The following CPNE4 variants were observed in gnomAD, a reference collection of about 807,000 sequenced individuals.
The protein encoded by CPNE4 is copine 4.
Under a neutral mutation model 67.9 loss-of-function variants are expected in CPNE4, and 25 were observed. The ratio of observed to expected loss-of-function variants is 0.37; its 90% CI spans 0.27 to 0.51. The LOEUF is 0.51. Ranked by LOEUF, CPNE4 falls within the 20% of genes least tolerant of loss-of-function variation. The pLI, the probability that CPNE4 is intolerant of heterozygous loss-of-function variation, is 0.93. For missense variants in CPNE4, 464 were observed against 690.8 expected (o/e 0.67, Z 3.68); for synonymous variants, 242 against 244.9 (o/e 0.99, Z 0.11).
At chr3:131,586,350 G>A (rs1462923059) in intron 8 of CPNE4, among the ~76,000 whole-genome samples, 4 of 152,130 alleles carry the variant, frequency 2.6e-5, no homozygotes, top group African/African-American at 9.7e-5. Context: ...AGCATGAATA[G>A]AGGAGTGAGA....
chr3:131,859,560 A>G (rs926375709), intron 2 of CPNE4, among the ~76,000 whole-genome samples: 5 of 151,960 alleles, frequency 3.3e-5, no homozygotes, highest in African/African-American at 1.2e-4. Flanking sequence ...ATATTCCAAC[A>G]CCCAGGCCAC....
intron 2 of CPNE4, among the ~76,000 whole-genome samples, chr3:131,897,571 ATT>A (rs768449055): frequency 6.6e-6 from 1 of 151,712 alleles, no homozygotes; most frequent in Non-Finnish European, 1.5e-5. Context: ...ACTATATACA[ATT>A]TTTTTTGTCT....
chr3:131,894,394 C>T (rs915525677), intron 2 of CPNE4, among the ~76,000 whole-genome samples: 14 of 151,922 alleles, frequency 9.2e-5, no homozygotes, highest in African/African-American at 3.4e-4. Flanking sequence ...AACTAAAAAG[C>T]TTTTGCACAG....
intron 3 of CPNE4, among the ~76,000 whole-genome samples, chr3:131,717,093 C>T (rs1487423696): frequency 3.9e-5 from 6 of 152,136 alleles, no homozygotes; most frequent in Non-Finnish European, 7.4e-5. Context: ...AGCAATTTAG[C>T]GAAAAGAGCA....
intron 1 of CPNE4, among the ~76,000 whole-genome samples, chr3:131,916,623 T>C (rs879860421): frequency 4.6e-5 from 7 of 152,142 alleles, no homozygotes; most frequent in Non-Finnish European, 7.4e-5. Flanking sequence ...AAATACCTTT[T>C]CAGGATAAAG....
intron 7 of CPNE4, among the ~76,000 whole-genome samples, chr3:131,640,500 C>G (rs1373595500): frequency 1.3e-5 from 2 of 152,088 alleles, no homozygotes; most frequent in Non-Finnish European, 2.9e-5. Context: ...CAAAACACTG[C>G]TGAAATAAAC....
At chr3:131,890,326 A>G (rs2088061361) in intron 2 of CPNE4, among the ~76,000 whole-genome samples, 2 of 152,042 alleles carry the variant, frequency 1.3e-5, no homozygotes, top group African/African-American at 4.8e-5. Flanking sequence ...GCCAACAGGT[A>G]TATAAAAACG....
intron 13 of CPNE4, among the ~76,000 whole-genome samples, chr3:131,551,766 CA>C (rs1936186482): frequency 2.0e-5 from 3 of 152,010 alleles, no homozygotes; most frequent in African/African-American, 7.2e-5. Context: ...TTATGATCTT[CA>C]TAGCAACATA....
intron 3 of CPNE4, among the ~76,000 whole-genome samples, chr3:131,706,290 C>T (rs760203473): frequency 1.3e-5 from 2 of 152,130 alleles, no homozygotes; most frequent in Non-Finnish European, 1.5e-5. Flanking sequence ...AGACCACAGG[C>T]TCAAAAATAA....
chr3:131,637,122 A>G (rs2107788402), intron 7 of CPNE4, among the ~76,000 whole-genome samples: 1 of 152,330 alleles, frequency 6.6e-6, no homozygotes, highest in South Asian at 2.1e-4. Flanking sequence ...GTAATATGAC[A>G]AAACAAGGTT....
chr3:132,035,877 C>T (rs1569283), upstream of CPNE4, among the ~76,000 whole-genome samples: 37,185 of 151,966 alleles, frequency 0.24, 4,784 homozygotes, highest in East Asian at 0.39. Flanking sequence ...TTACATCTAA[C>T]GTGGAGGGGA....
intron 7 of CPNE4, among the ~76,000 whole-genome samples, chr3:131,646,958 C>T (rs73871336): frequency 0.16 from 24,625 of 152,080 alleles, 3,445 homozygotes; most frequent in African/African-American, 0.38. Flanking sequence ...TACCATTCTG[C>T]CATCTGAATC....
At chr3:131,793,708 A>G (rs1214698345) in intron 2 of CPNE4, among the ~76,000 whole-genome samples, 1 of 152,198 alleles carries the variant, frequency 6.6e-6, no homozygotes, top group Non-Finnish European at 1.5e-5. Flanking sequence ...TAATACTCAG[A>G]TTGGCACATT....
intron 9 of CPNE4, among the ~76,000 whole-genome samples, chr3:131,581,334 C>T (rs1195397389): frequency 2.0e-5 from 3 of 152,182 alleles, no homozygotes; most frequent in Admixed American, 1.3e-4. Flanking sequence ...AACCTATCAG[C>T]GGAACTCTCC....
intron 2 of CPNE4, among the ~76,000 whole-genome samples, chr3:131,811,909 A>G (rs991850698): frequency 5.3e-5 from 8 of 152,124 alleles, no homozygotes; most frequent in Non-Finnish European, 1.5e-5. Flanking sequence ...CATCTTGCTC[A>G]AGGTCACACA....
rs894322388 is a variant in CPNE4 at position 131,910,841 on chromosome 3, G to A, written c.-1-5397C>T. Among the ~76,000 whole-genome samples the A allele has an allele frequency of 3.9e-5, 6 of 152,240 alleles. No individual in the cohort carries two copies. The East Asian group carries it at 5.8e-4, about 15-fold the overall frequency. ...CAGTGGCTGGTCTCTAGGAACCTCC[G>A]TATGAATTCCTTTAACTTTGACCAC... On this transcript the variant is annotated intron_variant, in intron 1 of 15. Transcript: ENST00000429747.
At chr3:131,922,856 C>T (rs979855366) in intron 1 of CPNE4, among the ~76,000 whole-genome samples, 3 of 152,134 alleles carry the variant, frequency 2.0e-5, no homozygotes, top group Non-Finnish European at 2.9e-5. Context: ...TTCTATGTCT[C>T]CTGTCCTGTG....
rs1290085646 is a variant in CPNE4 at position 131,533,755 on chromosome 3, C to T, written c.*1440G>A. 3 of 152,120 alleles carry T rather than the reference C, an allele frequency of 2.0e-5. No individual in the cohort carries two copies. Among genetic ancestry groups the T allele is most frequent in the Non-Finnish European group, 4.4e-5 (3 of 68,030 alleles). The allele number at this position is 152,120 out of a possible 1,614,324, so 9.4% of individuals were successfully genotyped here. ...TTTTATTTGCTTGTTAATACTGCTCCCCTCTTCAAACAAACAACAAATTTT... is the reference window on the plus strand; with the variant it reads ...TTTTATTTGCTTGTTAATACTGCTCTCCTCTTCAAACAAACAACAAATTTT... On this transcript the variant is annotated 3_prime_UTR_variant, in exon 16 of 16. Transcript: ENST00000429747.
rs562490272 is a variant in CPNE4 at position 131,667,291 on chromosome 3, C to T, written c.681+2384G>A. Among the ~76,000 whole-genome samples, 3 of 152,222 alleles carry T rather than the reference C, an allele frequency of 2.0e-5. No homozygotes were observed. The East Asian group carries it at 5.8e-4, about 29-fold the overall frequency. On this transcript the variant is annotated intron_variant, in intron 7 of 15. Coordinates refer to ENST00000429747, the MANE Select transcript of CPNE4 (RefSeq NM_130808.3). ...AGAAATTAAAACATTTTCATAGGTTCTTGAGGAGTTTAACAAGGCTCCCAG... is the reference window on the plus strand; with the variant it reads ...AGAAATTAAAACATTTTCATAGGTTTTTGAGGAGTTTAACAAGGCTCCCAG...
Sources: allele counts gnomAD v4.1 joint callset (sites outside exome capture counted in the v4.1 genomes callset), GRCh38; gene constraint gnomAD v4.1.1; transcripts MANE v1.5; gene names NCBI Gene and HGNC (gene_info 2026-07-23, HGNC 2026-07-21).